Variants in ANKFY1 observed in about 807,000 individuals in gnomAD.
The protein encoded by ANKFY1 is ankyrin repeat and FYVE domain-containing protein 1.
ANKFY1 carries 47 observed loss-of-function variants against 128.3 expected under a neutral mutation model. The observed-to-expected ratio is 0.37, with a 90% CI of 0.29 to 0.47. The LOEUF is 0.47. Ranked by LOEUF, ANKFY1 falls within the 20% of genes least tolerant of loss-of-function variation. The probability of loss-of-function intolerance (pLI) is 1.00; values close to 1 mark genes in which losing one functional copy is unlikely to be tolerated. For missense variants in ANKFY1, 1,222 were observed against 1,510.6 expected, an observed-to-expected ratio of 0.81 and a Z score of 3.17; for synonymous variants, 553 against 601.6, an observed-to-expected ratio of 0.92 and a Z score of 1.18.
chr17:4,207,259 A>C (rs557805123), intron 6 of ANKFY1, among the ~76,000 whole-genome samples: 1 of 152,306 alleles, frequency 6.6e-6, no homozygotes, highest in African/African-American at 2.4e-5. Flanking sequence ...TCAAAGTGAA[A>C]AAGGGAACCA....
Position 4,172,588 on chromosome 17 carries a change from G to A in ANKFY1, c.3107C>T (p.Pro1036Leu). The A allele has an allele frequency of 6.2e-7, 1 of 1,613,994 alleles. No homozygotes were observed. Among genetic ancestry groups the A allele is most frequent in the Non-Finnish European group, 8.5e-7 (1 of 1,179,942 alleles). ...GCCGTCTGCATCCGGCTTGTCCAGA[G>A]GATACCCCGGCATGCATTCTAGGAA... The part of the protein sequence containing the change: ...DLFLECMPGY[P>L]LDKPDADGST... The change falls in exon 22 of 25, where the codon CCT (proline) becomes CTT (leucine). Residue 1036 changes from proline to leucine, a missense_variant. Physicochemically the swap from Pro to Leu is moderately conservative, Grantham distance 98. Transcript: ENST00000341657.
intron 3 of ANKFY1, among the ~76,000 whole-genome samples, chr17:4,228,417 G>GTT (rs36040880): frequency 3.4e-5 from 5 of 145,564 alleles, no homozygotes; most frequent in Non-Finnish European, 4.5e-5. Context: ...TTTTTTGTTA[G>GTT]TTTTTTTTTT....
chr17:4,263,839 C>T, intron 1 of ANKFY1, 93 bp downstream of exon 1: 1 of 1,611,428 alleles, frequency 6.2e-7, no homozygotes, highest in East Asian at 2.2e-5. Context: ...CATGCAACCA[C>T]GCCCGGCCTT....
intron 1 of ANKFY1, among the ~76,000 whole-genome samples, chr17:4,252,396 G>A (rs774397113): frequency 1.3e-5 from 2 of 152,070 alleles, no homozygotes; most frequent in Middle Eastern, 6.8e-3. Flanking sequence ...TGAGACCCCC[G>A]TCTCCACAAA....
rs916897776 is a variant in ANKFY1, at chr17:4,166,296, C to T, written c.*1483G>A. On this transcript the variant is annotated 3_prime_UTR_variant, in exon 25 of 25. Coordinates refer to ENST00000341657, the MANE Select transcript of ANKFY1 (RefSeq NM_001330063.2). Reference sequence around the variant, plus strand: ...ACAGGCTGTTGCAAAAATATTTAGTCCCTTTACACATATAGTCAAACTTCA... The same window carrying T: ...ACAGGCTGTTGCAAAAATATTTAGTTCCTTTACACATATAGTCAAACTTCA... 2 of 152,368 alleles carry T rather than the reference C, an allele frequency of 1.3e-5. No individual in the cohort carries two copies. Among genetic ancestry groups the T allele is most frequent in the Non-Finnish European group, 2.9e-5 (2 of 68,036 alleles). The allele number at this position is 152,368 out of a possible 1,614,324, so 9.4% of individuals were successfully genotyped here. A position where few individuals can be genotyped will look rare whatever the true frequency, so the allele number is the denominator to read the frequency against.
intron 17 of ANKFY1, 167 bp downstream of exon 17, chr17:4,179,554 A>T (rs1355992616): frequency 1.2e-6 from 1 of 857,614 alleles, no homozygotes; most frequent in Non-Finnish European, 1.8e-6. Flanking sequence ...GGACAAAGGC[A>T]CAGAGAAGCA....
chr17:4,211,543 T>C (rs527959855), intron 4 of ANKFY1, among the ~76,000 whole-genome samples: 249 of 151,702 alleles, frequency 1.6e-3, no homozygotes, highest in Non-Finnish European at 2.7e-3. Flanking sequence ...AGCCGCATAA[T>C]AATAAAAACA....
intron 8 of ANKFY1, 85 bp downstream of exon 8, chr17:4,197,288 G>T: frequency 1.4e-6 from 2 of 1,399,300 alleles, no homozygotes; most frequent in South Asian, 2.4e-5. Flanking sequence ...TAAAGAACAT[G>T]AACTCCCCGT....
intron 3 of ANKFY1, among the ~76,000 whole-genome samples, chr17:4,220,171 C>G (rs889211094): frequency 2.0e-5 from 3 of 152,194 alleles, no homozygotes; most frequent in African/African-American, 7.2e-5. Context: ...CATTTTAACA[C>G]CAGACAGAAA....
intron 4 of ANKFY1, among the ~76,000 whole-genome samples, chr17:4,211,885 CAA>C (rs11374688): frequency 7.6e-6 from 1 of 131,490 alleles, no homozygotes; most frequent in African/African-American, 2.7e-5. Flanking sequence ...GACTCTGTCT[CAA>C]AAAAAAAACA....
intron 1 of ANKFY1, among the ~76,000 whole-genome samples, chr17:4,261,123 T>C (rs1248908389): frequency 6.6e-6 from 1 of 152,232 alleles, no homozygotes; most frequent in African/African-American, 2.4e-5. Flanking sequence ...TGCCTCCTAG[T>C]TGAAGTCTGC....
chr17:4,247,867 T>C (rs891487644), intron 1 of ANKFY1, among the ~76,000 whole-genome samples: 2 of 152,168 alleles, frequency 1.3e-5, no homozygotes, highest in African/African-American at 4.8e-5. Context: ...AAAGTACTAA[T>C]ACATGTAATA....
intron 7 of ANKFY1, among the ~76,000 whole-genome samples, chr17:4,202,478 C>A (rs927696194): frequency 3.3e-5 from 5 of 150,648 alleles, no homozygotes; most frequent in African/African-American, 1.2e-4. Flanking sequence ...ACGGGCGGAT[C>A]ACGAGGTCAG....
In ANKFY1 at chr17:4,169,156, C is replaced by T. The variant is rs986752980; in HGVS notation, c.3377+42G>A. On this transcript the variant is annotated intron_variant, in intron 24 of 24. Transcript: ENST00000341657. The surrounding 1 kb of genome is among the most constrained non-coding windows in gnomAD (Gnocchi z 5.0). Reference sequence around the variant, plus strand: ...AGAAGGGGGGAAGCAATGACATCAGCGGCAGTCCCCTCGCTCCTTGCCAGT... The same window carrying T: ...AGAAGGGGGGAAGCAATGACATCAGTGGCAGTCCCCTCGCTCCTTGCCAGT... 94 of 1,499,294 alleles carry T rather than the reference C, an allele frequency of 6.3e-5. No homozygotes were observed. Among genetic ancestry groups the T allele is most frequent in the Admixed American group, 2.4e-4 (12 of 50,728 alleles). 92.9% of individuals were successfully genotyped at this position (1,499,294 alleles called of 1,614,324 possible). A position where few individuals can be genotyped will look rare whatever the true frequency, so the allele number is the denominator to read the frequency against.
intron 10 of ANKFY1, among the ~76,000 whole-genome samples, chr17:4,194,244 A>G (rs189046812): frequency 2.5e-4 from 37 of 150,712 alleles, no homozygotes; most frequent in African/African-American, 8.5e-4. Flanking sequence ...AGCTGGGATG[A>G]CAGGAGCCCG....
In ANKFY1 at chr17:4,175,660, C is replaced by T. The variant is rs574086931; in HGVS notation, c.2775+1466G>A. ...GTCTCAGCCTCCCCAGAACTCTGGG[C>T]GCCCAGTCTAATCACTGATCGATAA... On this transcript the variant is annotated intron_variant, in intron 19 of 24. Transcript: ENST00000341657. 1.4e-4 allele frequency among the ~76,000 whole-genome samples: 22 copies of T among 152,252 alleles called. No individual in the cohort carries two copies. The East Asian group carries it at 3.7e-3, about 26-fold the overall frequency.
intron 1 of ANKFY1, among the ~76,000 whole-genome samples, chr17:4,248,352 T>G (rs1174869965): frequency 6.6e-6 from 1 of 152,204 alleles, no homozygotes; most frequent in African/African-American, 2.4e-5. Flanking sequence ...CTAGGTTGCA[T>G]GCTCCTTATG....
chr17:4,189,292 A>C lies in ANKFY1; in HGVS notation c.1470+90T>G, dbSNP rs903646990. The stretch of plus-strand genomic sequence containing the variant: ...TTATTCTGATTAAAAACTGAAAAAA[A>C]CCACCTATTCCCCTTTTTCCTACAT... On this transcript the variant is annotated intron_variant, in intron 11 of 24. Coordinates refer to ENST00000341657, the MANE Select transcript of ANKFY1 (RefSeq NM_001330063.2). 7 of 1,112,872 alleles carry C rather than the reference A, an allele frequency of 6.3e-6. No homozygotes were observed. The African/African-American group carries it at 1.1e-4, about 18-fold the overall frequency. 68.9% of individuals were successfully genotyped at this position (1,112,872 alleles called of 1,614,324 possible).
At position 4,242,376 on chromosome 17, in the gene ANKFY1, G is replaced by A. The variant is rs764459735; in HGVS notation, c.83C>T (p.Ala28Val). The change falls in exon 2 of 25, where the codon GCG (alanine) becomes GTG (valine). Residue 28 changes from alanine (A) to valine (V), a missense_variant. Transcript: ENST00000341657. ...GAGAGCGCAGCGCTTCTCTGTCTCC[G>A]CCAGCTTCTTCTGCAGCTTGACATA... ...QEYVKLQKKL[A>V]ETEKRCALLA... The A allele has an allele frequency of 1.2e-5, 19 of 1,603,492 alleles. No homozygotes were observed. Among genetic ancestry groups the A allele is most frequent in the Admixed American group, 1.7e-5 (1 of 58,142 alleles).
Sources: allele counts gnomAD v4.1 joint callset (sites outside exome capture counted in the v4.1 genomes callset), GRCh38; gene constraint gnomAD v4.1.1; non-coding constraint Gnocchi (gnomAD v3.1); transcripts MANE v1.5; gene names NCBI Gene and HGNC (gene_info 2026-07-23, HGNC 2026-07-21).